Variants in KIF24 observed in about 807,000 individuals in gnomAD.
KIF24 encodes the protein kinesin-like protein KIF24.
KIF24 carries 81 observed loss-of-function variants against 118.9 expected under a neutral mutation model. That is an observed-to-expected ratio of 0.68 (90% CI 0.57 to 0.82). The LOEUF (loss-of-function observed/expected upper bound fraction) is 0.82, where lower values mean the gene tolerates loss of function less well. KIF24 is among the 40% of genes least tolerant of loss of function. The probability of loss-of-function intolerance (pLI) is 0.00; values close to 1 mark genes in which losing one functional copy is unlikely to be tolerated. For missense variants in KIF24, 1,560 were observed against 1,661.6 expected (o/e 0.94, Z 1.06); for synonymous variants, 599 against 610.0 (o/e 0.98, Z 0.27).
upstream of KIF24, among the ~76,000 whole-genome samples, chr9:34,330,636 T>G (rs1434252555): frequency 2.0e-5 from 3 of 152,124 alleles, no homozygotes; most frequent in East Asian, 5.8e-4. Context: ...GTAAAGCACT[T>G]GACACAACGC....
At chr9:34,330,370 A>G (rs1587985139), upstream of KIF24, among the ~76,000 whole-genome samples, 1 of 152,308 alleles carries the variant, frequency 6.6e-6, no homozygotes, top group Non-Finnish European at 1.5e-5. Flanking sequence ...GCGCCACTGC[A>G]CTCCAGCCTG....
chr9:34,256,743 C>A lies in KIF24; in HGVS notation c.2864G>T (p.Gly955Val), dbSNP rs757959350. ...ATCCTTTCTGAGATCAAAGGAAGAG[C>A]CTCCACCTCTTTCCTGTCTATATAT... is the stretch of plus-strand genomic sequence containing the variant. ...DFIYRQERGG[G>V]SSFDLRKDAS... Residue 955 changes from glycine to valine, a missense_variant, in exon 11 of 13, where the codon GGC becomes GTC. Physicochemically the swap from Gly to Val is moderately radical, Grantham distance 109. Transcript: ENST00000402558. 3.7e-6 allele frequency: 6 copies of A among 1,613,866 alleles called. No homozygotes were observed. The highest frequency in any genetic ancestry group is 4.5e-5 in the East Asian group (2 of 44,876).
At chr9:34,315,172 T>A (rs1371712525) in intron 1 of KIF24, among the ~76,000 whole-genome samples, 2 of 152,182 alleles carry the variant, frequency 1.3e-5, no homozygotes, top group African/African-American at 2.4e-5. Context: ...GTTTATTTTT[T>A]AAATTTTGAA....
Position 34,257,941 on chromosome 9 carries a change from C to T in KIF24, c.1666G>A (p.Val556Ile). 1.2e-6 allele frequency: 2 copies of T among 1,613,596 alleles called. No individual in the cohort carries two copies. The highest frequency in any genetic ancestry group is 1.3e-5 in the African/African-American group (1 of 75,026). Reference sequence around the variant, plus strand: ...CCAGATGTCCGATTTCGACTGGTAACTGAAGTGCAACACTTAATGCCTTTC... The same window carrying T: ...CCAGATGTCCGATTTCGACTGGTAATTGAAGTGCAACACTTAATGCCTTTC... ...LKKGIKCCTS[V>I]TSRNRTSGNS... is the part of the protein sequence containing the mutation. The change falls in exon 11 of 13, where the codon GTT becomes ATT. Residue 556 changes from valine (V) to isoleucine (I), a missense_variant. Physicochemically the swap from Val to Ile is conservative, Grantham distance 29. Around this residue, in one of 3 missense-constraint regions of KIF24, gnomAD observed 964 missense variants for 988.0 expected, o/e 0.98. Coordinates refer to ENST00000402558, the MANE Select transcript of KIF24 (RefSeq NM_194313.4).
chr9:34,254,693 C>T (rs975550514), intron 12 of KIF24, among the ~76,000 whole-genome samples, 173 bp from the exon 13 acceptor site: 1 of 151,976 alleles, frequency 6.6e-6, no homozygotes, highest in African/African-American at 2.4e-5. Flanking sequence ...GCTCTGCATT[C>T]GAGACACTTT....
chr9:34,256,351 CT>C lies in KIF24; in HGVS notation c.3255del (p.Gly1087AlafsTer4), dbSNP rs750347938. On this transcript the variant is annotated frameshift_variant, in exon 11 of 13. Transcript: ENST00000402558. LOFTEE classifies it high-confidence loss of function. The stretch of plus-strand genomic sequence containing the variant: ...ACTGTGTGGCTCACAACTGGGCCCC[CT>C]GTGCTCTCTGCCACTAGACTGTGCG... ...GATHSLVAES[T>X]GGPVVSHTVP... 13 of 1,613,744 alleles carry C rather than the reference CT, an allele frequency of 8.1e-6. No individual in the cohort carries two copies. The African/African-American group carries it at 1.7e-4, about 22-fold the overall frequency.
intron 7 of KIF24, among the ~76,000 whole-genome samples, chr9:34,271,589 T>C (rs188932121): frequency 1.3e-5 from 2 of 152,346 alleles, no homozygotes; most frequent in African/African-American, 2.4e-5. Context: ...CAATGTCCCT[T>C]TTAATAACTT....
chr9:34,309,092 C>G (rs553349199), intron 2 of KIF24, among the ~76,000 whole-genome samples: 2 of 73,228 alleles, frequency 2.7e-5, no homozygotes, highest in Non-Finnish European at 7.6e-5. Context: ...ACAAATCAAA[C>G]AAACAAACAA....
At chr9:34,284,732 G>T (rs1302335096) in intron 6 of KIF24, among the ~76,000 whole-genome samples, 1 of 151,992 alleles carries the variant, frequency 6.6e-6, no homozygotes, top group Non-Finnish European at 1.5e-5. Context: ...ATAATAGGGG[G>T]GTGTTATTGG....
Position 34,255,918 on chromosome 9 carries a change from A to G in KIF24, c.3689T>C (p.Leu1230Pro), listed in dbSNP as rs778308209. The change falls in exon 11 of 13, where the codon CTT (leucine) becomes CCT (proline). Residue 1230 changes from leucine (L) to proline (P), a missense_variant. Leu to Pro is a moderately conservative substitution (Grantham distance 98, BLOSUM62 -3). Around this residue, in one of 3 missense-constraint regions of KIF24, gnomAD observed 591 missense variants for 655.6 expected, o/e 0.90. Transcript: ENST00000402558. ...GGACAAACCAAACTCCTGCCAACCA[A>G]GCCTTGTAGGATGTTTTCTCTCCTG... ...WAQERKHPTR[L>P]GWQEFGLSTD... 1 of 1,613,872 alleles carries G rather than the reference A, an allele frequency of 6.2e-7. No individual in the cohort carries two copies. The highest frequency in any genetic ancestry group is 1.3e-5 in the African/African-American group (1 of 74,918).
chr9:34,300,545 T>C (rs1563955616), intron 3 of KIF24, among the ~76,000 whole-genome samples: 1 of 151,980 alleles, frequency 6.6e-6, no homozygotes, highest in East Asian at 1.9e-4. Context: ...TTTTTTTGTA[T>C]TGTTAGTAGA....
At chr9:34,268,286 C>G (rs1401025518) in intron 8 of KIF24, among the ~76,000 whole-genome samples, 1 of 151,880 alleles carries the variant, frequency 6.6e-6, no homozygotes, top group Non-Finnish European at 1.5e-5. Flanking sequence ...GCCACAGCCT[C>G]CCGAGTAGCT....
Position 34,286,634 on chromosome 9 carries a change from C to T in KIF24, c.1198G>A (p.Val400Met), listed in dbSNP as rs1304616696. 1.2e-6 allele frequency: 2 copies of T among 1,611,036 alleles called. No homozygotes were observed. The highest frequency in any genetic ancestry group is 2.2e-5 in the East Asian group (1 of 44,890). Residue 400 changes from valine (V) to methionine (M), a missense_variant, in exon 6 of 13, where the codon GTG (valine) becomes ATG (methionine). By Grantham distance (21) the Val-to-Met change is conservative (BLOSUM62 1). This residue lies in a region of KIF24 where 964 missense variants were observed against 988.0 expected (regional missense o/e 0.98). Coordinates refer to ENST00000402558, the MANE Select transcript of KIF24 (RefSeq NM_194313.4). Reference protein sequence around the residue: ...VGLQELQVDSVELLLEVILKG... With the variant: ...VGLQELQVDSMELLLEVILKG... Reference sequence around the variant, plus strand: ...TTAATTACCTCTAAGAGGAGCTCCACACTGTCCACCTGAAGCTCTTGCAGT... The same window carrying T: ...TTAATTACCTCTAAGAGGAGCTCCATACTGTCCACCTGAAGCTCTTGCAGT...
At position 34,256,431 on chromosome 9, in the gene KIF24, T is replaced by G; in HGVS notation, c.3176A>C (p.Asn1059Thr). The change falls in exon 11 of 13, where the codon AAC (asparagine) becomes ACC (threonine). Residue 1059 changes from asparagine to threonine, a missense_variant. Around this residue, in one of 3 missense-constraint regions of KIF24, gnomAD observed 591 missense variants for 655.6 expected, o/e 0.90. Coordinates refer to ENST00000402558, the MANE Select transcript of KIF24 (RefSeq NM_194313.4). Reference protein sequence around the residue: ...MSPLTMSLLENPDNEGSPPSE... With the variant: ...MSPLTMSLLETPDNEGSPPSE... ...GGGAGGAGACCCTTCGTTGTCTGGG[T>G]TCTCCAGGAGGGACATGGTGAGGGG... 3 of 1,613,902 alleles carry G rather than the reference T, an allele frequency of 1.9e-6. No individual in the cohort carries two copies. Among genetic ancestry groups the G allele is most frequent in the Non-Finnish European group, 2.5e-6 (3 of 1,179,850 alleles).
At chr9:34,307,578 AC>A (rs1377837013) in intron 2 of KIF24, among the ~76,000 whole-genome samples, 1 of 152,194 alleles carries the variant, frequency 6.6e-6, no homozygotes, top group Non-Finnish European at 1.5e-5. Context: ...AATGAAATGT[AC>A]CATTTTGAGG....
chr9:34,256,075 C>T lies in KIF24; in HGVS notation c.3532G>A (p.Glu1178Lys), dbSNP rs985749362. 3.1e-6 allele frequency: 5 copies of T among 1,613,982 alleles called. No homozygotes were observed. Among genetic ancestry groups the T allele is most frequent in the Non-Finnish European group, 4.2e-6 (5 of 1,179,858 alleles). The stretch of plus-strand genomic sequence containing the variant: ...CCCCAGGAGCCATCCAGCCCCGTCT[C>T]CTCTGCATCAGCATCATACTGCTCA... The part of the protein sequence containing the change: ...GSEQYDADAE[E>K]TGLDGSWGFP... The change falls in exon 11 of 13, where the codon GAG becomes AAG. Residue 1178 changes from glutamate (E) to lysine (K), a missense_variant. Physicochemically the swap from Glu to Lys is moderately conservative, Grantham distance 56 (BLOSUM62 1). This residue lies in a region of KIF24 where 591 missense variants were observed against 655.6 expected (regional missense o/e 0.90). Transcript: ENST00000402558.
intron 1 of KIF24, among the ~76,000 whole-genome samples, chr9:34,326,681 G>C (rs927071641): frequency 6.6e-6 from 1 of 152,164 alleles, no homozygotes; most frequent in Non-Finnish European, 1.5e-5. Flanking sequence ...CAGGTTGGCT[G>C]GCATAGTAGG....
At chr9:34,314,259 G>C (rs1260688951) in intron 1 of KIF24, among the ~76,000 whole-genome samples, 2 of 152,090 alleles carry the variant, frequency 1.3e-5, no homozygotes, top group Admixed American at 1.3e-4. Context: ...CGCCTCCCGA[G>C]TTCAAGCAAT....
At chr9:34,300,951 C>G (rs1836682633) in intron 3 of KIF24, among the ~76,000 whole-genome samples, 1 of 151,058 alleles carries the variant, frequency 6.6e-6, no homozygotes, top group Non-Finnish European at 1.5e-5. Flanking sequence ...AATTCTGTCT[C>G]TCCTTCTAAA....
Sources: allele counts gnomAD v4.1 joint callset (sites outside exome capture counted in the v4.1 genomes callset), GRCh38; gene constraint gnomAD v4.1.1; regional missense constraint gnomAD v4.1.1; transcripts MANE v1.5; gene names NCBI Gene and HGNC (gene_info 2026-07-23, HGNC 2026-07-21).